The following PNLIPRP1 variants were observed in gnomAD, a reference collection of about 807,000 sequenced individuals.
PNLIPRP1 encodes the protein inactive pancreatic lipase-related protein 1.
Under a neutral mutation model 54.6 loss-of-function variants are expected in PNLIPRP1, and 57 were observed. The observed-to-expected ratio is 1.04, with a 90% CI of 0.84 to 1.30. PNLIPRP1 has a LOEUF of 1.30. PNLIPRP1 is among the 50% of genes most tolerant of loss of function. The pLI, the probability that PNLIPRP1 is intolerant of heterozygous loss-of-function variation, is 0.00. For missense variants in PNLIPRP1, 567 were observed against 568.5 expected, an observed-to-expected ratio of 1.00 and a Z score of 0.03; for synonymous variants, 232 against 208.8, an observed-to-expected ratio of 1.11 and a Z score of -0.96.
intron 2 of PNLIPRP1, among the ~76,000 whole-genome samples, 185 bp downstream of exon 2, chr10:116,591,363 C>T (rs962811999): frequency 6.6e-6 from 1 of 152,276 alleles, no homozygotes; most frequent in South Asian, 2.1e-4. Context: ...CTGGGGATCC[C>T]CCCAGTGGCC....
At chr10:116,605,620 C>A in intron 12 of PNLIPRP1, 67 bp downstream of exon 12, 1 of 1,227,184 alleles carries the variant, frequency 8.1e-7, no homozygotes, top group Non-Finnish European at 1.1e-6. Flanking sequence ...GAAAACCCAC[C>A]CTAGAAAGTT....
At chr10:116,592,782 T>C (rs193113580) in intron 4 of PNLIPRP1, 468 of 554,742 alleles carry the variant, frequency 8.4e-4, no homozygotes, top group Non-Finnish European at 1.4e-3. Context: ...AACCAAGGCC[T>C]GATGTTTTCT....
intron 4 of PNLIPRP1, among the ~76,000 whole-genome samples, chr10:116,594,069 TG>T (rs2133228657): frequency 6.6e-6 from 1 of 152,280 alleles, no homozygotes; most frequent in African/African-American, 2.4e-5. Context: ...ATATGTGGAA[TG>T]ATTCCAAGTG....
chr10:116,592,446 G>C lies in PNLIPRP1; in HGVS notation c.235G>C (p.Glu79Gln). 2 of 1,612,826 alleles carry C rather than the reference G, an allele frequency of 1.2e-6. No homozygotes were observed. Among genetic ancestry groups the C allele is most frequent in the Non-Finnish European group, 1.7e-6 (2 of 1,179,110 alleles). The change falls in exon 4 of 13, where the codon GAG (glutamate) becomes CAG (glutamine). Residue 79 changes from glutamate (E) to glutamine (Q), a missense_variant. Physicochemically the swap from Glu to Gln is conservative, Grantham distance 29. Transcript: ENST00000358834. ...CCTCCTCTCTGATCCATCAACAATT[G>C]AGGCATCAAATTTTCAAATGGACAG... is the stretch of plus-strand genomic sequence containing the variant. ...ILLLSDPSTI[E>Q]ASNFQMDRKT...
chr10:116,608,858 C>A (rs1488691442), intron 12 of PNLIPRP1, among the ~76,000 whole-genome samples, 195 bp from the exon 13 acceptor site: 4 of 152,258 alleles, frequency 2.6e-5, no homozygotes, highest in African/African-American at 4.8e-5. Flanking sequence ...AGCCTCCAGG[C>A]AGCAAGCGCT....
chr10:116,596,682 C>T (rs1219225844), intron 6 of PNLIPRP1, among the ~76,000 whole-genome samples: 1 of 152,050 alleles, frequency 6.6e-6, no homozygotes, highest in Non-Finnish European at 1.5e-5. Context: ...TCTATATTGC[C>T]AATTCTTTCT....
chr10:116,605,357 CAGGGATGTTTATGTTTCTCTAT>C lies in PNLIPRP1; in HGVS notation c.1173-28_1173-7del. ...GGTAATTAGAACTCATTTCCGTGAA[CAGGGATGTTTATGTTTCTCTAT>C]TTCAAGGGGGATTCTCAAACCAGGC... On this transcript the variant is annotated splice_polypyrimidine_tract_variant and splice_region_variant and intron_variant, in intron 11 of 12. Transcript: ENST00000358834. The C allele has an allele frequency of 6.9e-7, 1 of 1,453,844 alleles. No individual in the cohort carries two copies. The highest frequency in any genetic ancestry group is 9.5e-7 in the Non-Finnish European group (1 of 1,057,652). 90.1% of individuals were successfully genotyped at this position (1,453,844 alleles called of 1,614,324 possible).
chr10:116,594,816 C>T lies in PNLIPRP1; in HGVS notation c.417C>T (p.Asn139=), dbSNP rs782713559. 5.0e-6 allele frequency: 8 copies of T among 1,614,048 alleles called. No individual in the cohort carries two copies. The highest frequency in any genetic ancestry group is 6.8e-6 in the Non-Finnish European group (8 of 1,180,048). ...CCACCTACACACAGGCTGCCAACAA[C>T]GTGCGAGTGGTGGGCGCCCAGGTGG... The part of the protein sequence containing the change: ...SQATYTQAAN[N]VRVVGAQVAQ... The change falls in exon 5 of 13, where the codon AAC becomes AAT. Residue 139 remains asparagine, a synonymous_variant. Transcript: ENST00000358834.
In PNLIPRP1 at chr10:116,598,106, A is replaced by G. The variant is rs782591551; in HGVS notation, c.754A>G (p.Met252Val). 2.5e-6 allele frequency: 4 copies of G among 1,614,188 alleles called. No individual in the cohort carries two copies. Among genetic ancestry groups the G allele is most frequent in the Non-Finnish European group, 3.4e-6 (4 of 1,180,022 alleles). ...CTTCTTCCCCAATGGAGGAGAGAGC[A>G]TGCCGGGATGCAAGAAGAATGCCCT... Reference protein sequence around the residue: ...LDFFPNGGESMPGCKKNALSQ... With the variant: ...LDFFPNGGESVPGCKKNALSQ... Residue 252 changes from methionine (M) to valine (V), a missense_variant, in exon 8 of 13, where the codon ATG (methionine) becomes GTG (valine). By Grantham distance (21) the Met-to-Val change is conservative. Transcript: ENST00000358834.
rs1554863716 is a variant in PNLIPRP1, at chr10:116,594,776, A to C, written c.377A>C (p.Lys126Thr). ...GTGAACTGCATCTGCGTGGACTGGA[A>C]GAAGGGCTCCCAAGCCACCTACACA... ...EEVNCICVDW[K>T]KGSQATYTQA... Residue 126 changes from lysine (K) to threonine (T), a missense_variant, in exon 5 of 13, where the codon AAG (lysine) becomes ACG (threonine). Lys to Thr is a moderately conservative substitution (Grantham distance 78). Transcript: ENST00000358834. 6.2e-7 allele frequency: 1 copy of C among 1,614,160 alleles called. No homozygotes were observed.
At chr10:116,608,454 G>A (rs1464672246) in intron 12 of PNLIPRP1, among the ~76,000 whole-genome samples, 1 of 152,208 alleles carries the variant, frequency 6.6e-6, no homozygotes, top group African/African-American at 2.4e-5. Flanking sequence ...AAGGCTTGAT[G>A]TGTGATCCTA....
In PNLIPRP1 at chr10:116,605,561, T is replaced by C. The variant is rs1412355730; in HGVS notation, c.1340+8T>C. The stretch of plus-strand genomic sequence containing the variant: ...GGGAGAAGAGAAGACAGTGTATGTA[T>C]CTTTGCTGGCTGGTGCCTAAAAATG... On this transcript the variant is annotated splice_region_variant and intron_variant, in intron 12 of 12. Coordinates refer to ENST00000358834, the MANE Select transcript of PNLIPRP1 (RefSeq NM_006229.4). 1 of 1,520,686 alleles carries C rather than the reference T, an allele frequency of 6.6e-7. No individual in the cohort carries two copies. Among genetic ancestry groups the C allele is most frequent in the African/African-American group, 1.4e-5 (1 of 73,146 alleles). 94.2% of individuals were successfully genotyped at this position (1,520,686 alleles called of 1,614,324 possible). A position where few individuals can be genotyped will look rare whatever the true frequency, so the allele number is the denominator to read the frequency against.
chr10:116,592,395 G>A, intron 3 of PNLIPRP1, 21 bp from the exon 4 acceptor site: 1 of 1,577,324 alleles, frequency 6.3e-7, no homozygotes, highest in South Asian at 1.2e-5. Context: ...AAAACATGAA[G>A]CACTTCTGCG....
At chr10:116,592,911 T>G (rs1847665824) in intron 4 of PNLIPRP1, 1 of 358,770 alleles carries the variant, frequency 2.8e-6, no homozygotes, top group Non-Finnish European at 5.5e-6. Flanking sequence ...ACCACTTAAT[T>G]GATCCCAGCA....
At chr10:116,596,891 A>G (rs1434920657) in intron 6 of PNLIPRP1, among the ~76,000 whole-genome samples, 4 of 152,176 alleles carry the variant, frequency 2.6e-5, no homozygotes, top group Non-Finnish European at 5.9e-5. Flanking sequence ...TATTATAATT[A>G]TTATGATAAG....
intron 3 of PNLIPRP1, 167 bp downstream of exon 3, chr10:116,592,092 A>G: frequency 4.3e-6 from 3 of 700,658 alleles, no homozygotes; most frequent in Non-Finnish European, 7.1e-6. Flanking sequence ...GTCTTTAGTA[A>G]TGTTGGCTTG....
intron 10 of PNLIPRP1, 85 bp downstream of exon 10, chr10:116,601,286 A>G: frequency 8.1e-7 from 1 of 1,229,096 alleles, no homozygotes; most frequent in Non-Finnish European, 1.1e-6. Context: ...AACCTGAAAT[A>G]TTTGTGGGTA....
chr10:116,592,479 C>T lies in PNLIPRP1; in HGVS notation c.268C>T (p.Arg90Trp), dbSNP rs527533561. Residue 90 changes from arginine (R) to tryptophan (W), a missense_variant, in exon 4 of 13, where the codon CGG becomes TGG. Coordinates refer to ENST00000358834, the MANE Select transcript of PNLIPRP1 (RefSeq NM_006229.4). ...AAATTTTCAAATGGACAGAAAGACC[C>T]GGTTCATCATCCATGGCTTCATAGA... ...ASNFQMDRKT[R>W]FIIHGFIDKG... 9.9e-6 allele frequency: 16 copies of T among 1,613,906 alleles called. No individual in the cohort carries two copies. The highest frequency in any genetic ancestry group is 4.0e-5 in the African/African-American group (3 of 75,012).
chr10:116,601,592 T>C (rs577330611), intron 10 of PNLIPRP1, among the ~76,000 whole-genome samples: 6 of 152,330 alleles, frequency 3.9e-5, no homozygotes, highest in African/African-American at 1.4e-4. Context: ...CTGGGCTATG[T>C]CCCTTAAGAA....
Sources: gnomAD v4.1 joint callset for allele counts (sites outside exome capture counted in the v4.1 genomes callset) on GRCh38, gnomAD v4.1.1 for gene constraint, MANE v1.5 for transcripts, NCBI Gene and HGNC (gene_info 2026-07-23, HGNC 2026-07-21) for gene names.